The following KNG1 variants were observed in gnomAD, a reference collection of about 807,000 sequenced individuals.
KNG1 encodes kininogen 1, also known as kininogen-1.
In KNG1, 23 loss-of-function variants were observed where a neutral mutation model predicts 47.8. The observed-to-expected ratio is 0.48, with a 90% CI of 0.35 to 0.68. The LOEUF is 0.68. Among genes scored for constraint, KNG1 ranks in the 30% least tolerant of loss-of-function variants. The probability of loss-of-function intolerance (pLI) is 0.01; values close to 1 mark genes in which losing one functional copy is unlikely to be tolerated. For missense variants in KNG1, 762 were observed against 790.2 expected (o/e 0.96, Z 0.43); for synonymous variants, 277 against 277.0 (o/e 1.00, Z 0.00).
intron 6 of KNG1, 133 bp from the exon 7 acceptor site, chr3:186,732,369 T>C: frequency 2.6e-6 from 2 of 775,188 alleles, no homozygotes; most frequent in South Asian, 2.9e-5. Flanking sequence ...CAGACAACCT[T>C]CCCCCACTCA....
intron 4 of KNG1, 142 bp downstream of exon 4, chr3:186,725,402 G>C (rs1284186568): frequency 1.3e-6 from 1 of 773,190 alleles, no homozygotes; most frequent in African/African-American, 1.7e-5. Context: ...GTCAAAGTGA[G>C]TCGGATAGTG....
rs543070429 is a variant in KNG1, at chr3:186,722,627, A to G, written c.391+106A>G. On this transcript the variant is annotated intron_variant, in intron 3 of 9. Coordinates refer to ENST00000644859, the MANE Select transcript of KNG1 (RefSeq NM_001102416.3). ...CTGCTTGCTCCCAGAGGGTGGCAGT[A>G]GTAAAGCCATTTGCAGAGTTAGGGA... 554 of 904,310 alleles carry G rather than the reference A, an allele frequency of 6.1e-4. 2 individuals carry two copies. The African/African-American group carries it at 8.1e-3, about 13-fold the overall frequency. 56.0% of individuals were successfully genotyped at this position (904,310 alleles called of 1,614,324 possible).
At chr3:186,738,965 G>C (rs5030075) in intron 7 of KNG1, 134 bp from the exon 8 acceptor site, 2 of 753,824 alleles carry the variant, frequency 2.7e-6, no homozygotes, top group Non-Finnish European at 4.5e-6. Flanking sequence ...AATGCCAAAC[G>C]TGTACTTTTT....
chr3:186,719,848 T>C (rs1720136064), intron 1 of KNG1, among the ~76,000 whole-genome samples: 1 of 152,154 alleles, frequency 6.6e-6, no homozygotes, highest in African/African-American at 2.4e-5. Context: ...TTAAAAGACA[T>C]AGATTTATAT....
At chr3:186,717,881 A>AC in intron 1 of KNG1, 144 bp downstream of exon 1, 2 of 210,212 alleles carry the variant, frequency 9.5e-6, no homozygotes, top group Non-Finnish European at 1.6e-5. Context: ...CACCACCACC[A>AC]CAACCACCAC....
rs1055291573 is a variant in KNG1, at chr3:186,742,246, G to A, written c.1850G>A (p.Arg617His). The A allele has an allele frequency of 6.8e-6, 11 of 1,614,004 alleles. No individual in the cohort carries two copies. Among genetic ancestry groups the A allele is most frequent in the South Asian group, 3.3e-5 (3 of 91,076 alleles). Residue 617 changes from arginine to histidine, a missense_variant, in exon 10 of 10, where the codon CGC becomes CAC. Transcript: ENST00000644859. ...ACGACCTCCCCAAAATGTCCTGGAC[G>A]CCCCTGGAAGTCAGTTAGTGAAATT... The part of the protein sequence containing the change: ...PDTTSPKCPG[R>H]PWKSVSEINP...
chr3:186,733,551 T>C (rs1720595604), intron 7 of KNG1, among the ~76,000 whole-genome samples: 1 of 152,172 alleles, frequency 6.6e-6, no homozygotes, highest in African/African-American at 2.4e-5. Flanking sequence ...GAGTGTCTTC[T>C]GGGAGTCAGG....
chr3:186,732,774 AT>A lies in KNG1; in HGVS notation c.930+103del, dbSNP rs1720571541. On this transcript the variant is annotated intron_variant, in intron 7 of 9. Coordinates refer to ENST00000644859, the MANE Select transcript of KNG1 (RefSeq NM_001102416.3). Reference sequence around the variant, plus strand: ...TTGGCTCTGGATTGGGAAACCATACATTTGATAATGTGATTTGGTGCATTAG... The same window carrying A: ...TTGGCTCTGGATTGGGAAACCATACATTGATAATGTGATTTGGTGCATTAG... 7 of 930,646 alleles carry A rather than the reference AT, an allele frequency of 7.5e-6. No individual in the cohort carries two copies. In the East Asian group the frequency reaches 1.7e-4, roughly 22 times the overall value. The allele number at this position is 930,646 out of a possible 1,614,324, so 57.6% of individuals were successfully genotyped here.
At chr3:186,721,576 T>C (rs1720198729) in intron 2 of KNG1, among the ~76,000 whole-genome samples, 1 of 152,216 alleles carries the variant, frequency 6.6e-6, no homozygotes, top group South Asian at 2.1e-4. Context: ...GATAGATGTA[T>C]CCCATCTTCT....
intron 7 of KNG1, 79 bp from the exon 8 acceptor site, chr3:186,739,020 C>T: frequency 8.4e-7 from 1 of 1,188,986 alleles, no homozygotes; most frequent in Non-Finnish European, 1.2e-6. Flanking sequence ...TCAAGATTCT[C>T]CCTTAACATT....
intron 3 of KNG1, among the ~76,000 whole-genome samples, chr3:186,724,515 C>T (rs1215293331): frequency 1.3e-5 from 2 of 152,114 alleles, no homozygotes; most frequent in African/African-American, 4.8e-5. Context: ...TGATACTGGG[C>T]ATTTTTTCAC....
In KNG1 at chr3:186,731,644, A is replaced by G. The variant is rs1560066530; in HGVS notation, c.757+15A>G. The G allele has an allele frequency of 2.7e-6, 4 of 1,497,908 alleles. No homozygotes were observed. Among genetic ancestry groups the G allele is most frequent in the Non-Finnish European group, 3.7e-6 (4 of 1,074,046 alleles). The allele number at this position is 1,497,908 out of a possible 1,614,324, so 92.8% of individuals were successfully genotyped here. A position where few individuals can be genotyped will look rare whatever the true frequency, so the allele number is the denominator to read the frequency against. On this transcript the variant is annotated intron_variant, in intron 6 of 9. Coordinates refer to ENST00000644859, the MANE Select transcript of KNG1 (RefSeq NM_001102416.3). ...CATTTATCCAGGTAAGGAATAACAC[A>G]TGTTGGCACCGCAATAGAGGAATAG...
Position 186,742,475 on chromosome 3 carries a change from A to AG in KNG1, c.*145dup. Reference sequence around the variant, plus strand: ...TCTAAAGAGAAGTGGTGAGACTCCCAGTGGAGACACCATCAGTCTCCACGG... The same window carrying AG: ...TCTAAAGAGAAGTGGTGAGACTCCCAGGTGGAGACACCATCAGTCTCCACGG... On this transcript the variant is annotated 3_prime_UTR_variant, in exon 10 of 10. Coordinates refer to ENST00000644859, the MANE Select transcript of KNG1 (RefSeq NM_001102416.3). The AG allele has an allele frequency of 6.7e-7, 1 of 1,483,696 alleles. No homozygotes were observed. The highest frequency in any genetic ancestry group is 2.4e-5 in the Admixed American group (1 of 41,866). 91.9% of individuals were successfully genotyped at this position (1,483,696 alleles called of 1,614,324 possible). A position where few individuals can be genotyped will look rare whatever the true frequency, so the allele number is the denominator to read the frequency against.
intron 4 of KNG1, 75 bp from the exon 5 acceptor site, chr3:186,727,162 T>G: frequency 1.9e-6 from 2 of 1,030,500 alleles, no homozygotes; most frequent in Admixed American, 3.4e-5. Context: ...TTTTCTAAAC[T>G]CCTCATAACA....
intron 4 of KNG1, among the ~76,000 whole-genome samples, chr3:186,726,864 G>A (rs1012485865): frequency 3.3e-5 from 5 of 151,986 alleles, no homozygotes; most frequent in African/African-American, 1.2e-4. Context: ...CGTCTAGAAG[G>A]GCATTATTAT....
At chr3:186,734,158 C>A (rs1180532183) in intron 7 of KNG1, among the ~76,000 whole-genome samples, 1 of 152,146 alleles carries the variant, frequency 6.6e-6, no homozygotes, top group Non-Finnish European at 1.5e-5. Flanking sequence ...AAAATTCTCA[C>A]TAAAAAGTTC....
chr3:186,742,364 T>TAA lies in KNG1; in HGVS notation c.*34_*35insAA. ...GGCTATGGGTATTTCTTTCATACTT[T>TAA]ATTAAAGTATCAATATCCCTCTCTC... is the stretch of plus-strand genomic sequence containing the variant. On this transcript the variant is annotated 3_prime_UTR_variant, in exon 10 of 10. Transcript: ENST00000644859. 6.2e-7 allele frequency: 1 copy of TAA among 1,611,140 alleles called. No individual in the cohort carries two copies. The highest frequency in any genetic ancestry group is 8.5e-7 in the Non-Finnish European group (1 of 1,179,944).
In KNG1 at chr3:186,731,638, T is replaced by C; in HGVS notation, c.757+9T>C. 1 of 1,540,442 alleles carries C rather than the reference T, an allele frequency of 6.5e-7. No homozygotes were observed. The highest frequency in any genetic ancestry group is 1.7e-4 in the Middle Eastern group (1 of 5,940). ...CTGTGACATTTATCCAGGTAAGGAA[T>C]AACACATGTTGGCACCGCAATAGAG... On this transcript the variant is annotated intron_variant, in intron 6 of 9. Coordinates refer to ENST00000644859, the MANE Select transcript of KNG1 (RefSeq NM_001102416.3).
At chr3:186,729,362 G>A (rs373954344) in intron 5 of KNG1, among the ~76,000 whole-genome samples, 4 of 152,160 alleles carry the variant, frequency 2.6e-5, no homozygotes, top group East Asian at 1.9e-4. Context: ...ATTCAAACAC[G>A]TGTTTATACA....
Sources: gnomAD v4.1 joint callset for allele counts (sites outside exome capture counted in the v4.1 genomes callset) on GRCh38, gnomAD v4.1.1 for gene constraint, MANE v1.5 for transcripts, NCBI Gene and HGNC (gene_info 2026-07-23, HGNC 2026-07-21) for gene names.